Variants in OCA2 observed in about 807,000 individuals in gnomAD.
OCA2 encodes the protein P protein.
A neutral mutation model predicts 100.2 loss-of-function variants in OCA2; 77 were observed. That is an observed-to-expected ratio of 0.77 (90% CI 0.64 to 0.93). The LOEUF (loss-of-function observed/expected upper bound fraction) is 0.93, where lower values mean the gene tolerates loss of function less well. OCA2 is among the 40% of genes least tolerant of loss of function. OCA2 has a pLI of 0.00. For synonymous variants in OCA2, 432 were observed against 439.2 expected (o/e 0.98, Z 0.21); for missense variants, 1,062 against 1,089.1 (o/e 0.98, Z 0.35).
chr15:28,036,836 C>T (rs2043058182), intron 2 of OCA2, among the ~76,000 whole-genome samples: 1 of 152,056 alleles, frequency 6.6e-6, no homozygotes, highest in Non-Finnish European at 1.5e-5. Context: ...GATTGGGGTA[C>T]CAGGCATGGA....
At chr15:27,732,765 C>G in the OCA2 span, among the ~76,000 whole-genome samples, 2 of 152,206 alleles carry the variant, frequency 1.3e-5, no homozygotes, top group African/African-American at 4.8e-5. Flanking sequence ...ACCATGTAAA[C>G]AGGCATTTCT....
intron 1 of OCA2, among the ~76,000 whole-genome samples, chr15:28,094,169 C>A (rs1165599273): frequency 2.0e-5 from 3 of 151,988 alleles, no homozygotes. Flanking sequence ...TCCTAGGGGA[C>A]CCCAACACCC....
rs1456118236 is a variant in OCA2, at chr15:28,014,820, C to T, written c.1000G>A (p.Ala334Thr). 3.7e-6 allele frequency: 6 copies of T among 1,613,994 alleles called. No individual in the cohort carries two copies. In the Admixed American group the frequency reaches 5.0e-5, roughly 13 times the overall value. ...RGSVETQVTI[A>T]TAILAGVYAL... The stretch of plus-strand genomic sequence containing the variant: ...TAGACGCCCGCGAGGATGGCCGTCG[C>T]GATGGTCACCTGGGTTTCTACACTT... Residue 334 changes from alanine (A) to threonine (T), a missense_variant, in exon 9 of 24, where the codon GCG (alanine) becomes ACG (threonine). Physicochemically the swap from Ala to Thr is moderately conservative, Grantham distance 58 (BLOSUM62 0). Coordinates refer to ENST00000354638, the MANE Select transcript of OCA2 (RefSeq NM_000275.3).
chr15:27,986,688 C>A (rs2041365543), intron 11 of OCA2, 45 bp from the exon 12 acceptor site: 1 of 1,297,244 alleles, frequency 7.7e-7, no homozygotes, highest in East Asian at 2.3e-5. Flanking sequence ...TAGCAGGACA[C>A]CATATTAAAA....
At chr15:27,909,752 C>T (rs2038315165) in intron 19 of OCA2, among the ~76,000 whole-genome samples, 1 of 152,000 alleles carries the variant, frequency 6.6e-6, no homozygotes, top group African/African-American at 2.4e-5. Flanking sequence ...AAGAAAAAAA[C>T]CCAAATGTAT....
chr15:27,757,947 G>A (rs78201749), intron 23 of OCA2, among the ~76,000 whole-genome samples: 1,606 of 152,268 alleles, frequency 0.011, 32 homozygotes, highest in African/African-American at 0.037. Flanking sequence ...AGGGTTTATC[G>A]GAGAAGAGAA....
chr15:28,023,091 C>A (rs2042645084), intron 5 of OCA2, among the ~76,000 whole-genome samples: 1 of 147,346 alleles, frequency 6.8e-6, no homozygotes, highest in Non-Finnish European at 1.5e-5. Context: ...GAGCTCAGGT[C>A]AGCTCTTGGG....
chr15:27,884,026 G>T lies in OCA2; in HGVS notation c.2080-12104C>A, dbSNP rs566326002. Reference sequence around the variant, plus strand: ...TATCTTTGGAGAATGTCAGAGCAAGGTTAGAAAGACTATCAAAATTAGTAA... The same window carrying T: ...TATCTTTGGAGAATGTCAGAGCAAGTTTAGAAAGACTATCAAAATTAGTAA... On this transcript the variant is annotated intron_variant, in intron 19 of 23. Transcript: ENST00000354638. Among the ~76,000 whole-genome samples, 61 of 152,284 alleles carry T rather than the reference G, an allele frequency of 4.0e-4. No individual in the cohort carries two copies. The South Asian group carries it at 0.012, about 29-fold the overall frequency.
chr15:28,089,248 A>G (rs1014113728), intron 1 of OCA2, among the ~76,000 whole-genome samples: 8 of 152,146 alleles, frequency 5.3e-5, no homozygotes, highest in African/African-American at 1.9e-4. Flanking sequence ...TTGTTTAAAC[A>G]ATTTGGGCAG....
intron 23 of OCA2, among the ~76,000 whole-genome samples, chr15:27,757,637 A>T (rs558143695): frequency 1.3e-5 from 2 of 152,374 alleles, no homozygotes; most frequent in East Asian, 3.9e-4. Flanking sequence ...AAAGTATTAA[A>T]TGTCTCCATA....
chr15:27,831,772 G>A (rs1469493471), intron 23 of OCA2, among the ~76,000 whole-genome samples: 2 of 152,180 alleles, frequency 1.3e-5, no homozygotes, highest in African/African-American at 2.4e-5. Context: ...TGTTGCCTCC[G>A]AGGCCCAGCT....
At chr15:27,966,934 C>G in intron 14 of OCA2, 112 bp from the exon 15 acceptor site, 1 of 1,186,276 alleles carries the variant, frequency 8.4e-7, no homozygotes, top group Admixed American at 2.0e-5. Context: ...TGGAGACCAT[C>G]CTGGCTAACA....
chr15:27,926,649 C>G (rs1017284070), intron 18 of OCA2, among the ~76,000 whole-genome samples: 1 of 152,060 alleles, frequency 6.6e-6, no homozygotes, highest in Non-Finnish European at 1.5e-5. Context: ...TTTTGAGACA[C>G]AGTTTTGCTC....
chr15:27,876,941 T>C (rs939855536), intron 19 of OCA2, among the ~76,000 whole-genome samples: 1 of 151,952 alleles, frequency 6.6e-6, no homozygotes, highest in African/African-American at 2.4e-5. Context: ...TATTTTAGTT[T>C]TACTTTCCAT....
intron 18 of OCA2, among the ~76,000 whole-genome samples, chr15:27,929,978 T>C (rs942270404): frequency 6.6e-6 from 1 of 152,088 alleles, no homozygotes; most frequent in Non-Finnish European, 1.5e-5. Context: ...TCAAAAACAC[T>C]GACTAAAGTA....
At chr15:27,993,716 C>T (rs1298828442) in intron 9 of OCA2, among the ~76,000 whole-genome samples, 1 of 152,174 alleles carries the variant, frequency 6.6e-6, no homozygotes, top group Non-Finnish European at 1.5e-5. Context: ...GTGATCCACA[C>T]ATGAGCATCT....
At chr15:28,004,177 A>G (rs1258537177) in intron 9 of OCA2, among the ~76,000 whole-genome samples, 3 of 152,218 alleles carry the variant, frequency 2.0e-5, no homozygotes, top group African/African-American at 7.2e-5. Flanking sequence ...AAAGCAGCCT[A>G]CGACATCGAA....
At chr15:27,992,389 C>T (rs369859718) in intron 9 of OCA2, among the ~76,000 whole-genome samples, 10 of 152,300 alleles carry the variant, frequency 6.6e-5, no homozygotes, top group South Asian at 4.1e-4. Context: ...CATGAGCCAC[C>T]GCGCCCAGCC....
intron 18 of OCA2, among the ~76,000 whole-genome samples, chr15:27,949,605 C>T (rs1241320291): frequency 6.6e-6 from 1 of 152,038 alleles, no homozygotes; most frequent in Non-Finnish European, 1.5e-5. Context: ...AGAGGCTGCA[C>T]TGAGTTGAGA....
Sources: allele counts gnomAD v4.1 joint callset (sites outside exome capture counted in the v4.1 genomes callset), GRCh38; gene constraint gnomAD v4.1.1; transcripts MANE v1.5; gene names NCBI Gene and HGNC (gene_info 2026-07-23, HGNC 2026-07-21).